Variants in ACOT11 observed in about 807,000 individuals in gnomAD.
ACOT11 encodes the protein acyl-CoA thioesterase 11.
ACOT11 carries 69 observed loss-of-function variants against 77.5 expected under a neutral mutation model. The ratio of observed to expected loss-of-function variants is 0.89; its 90% CI spans 0.73 to 1.09. ACOT11 has a LOEUF of 1.09. Among genes scored for constraint, ACOT11 ranks in the 50% least tolerant of loss-of-function variants. ACOT11 has a pLI of 0.00. For synonymous variants in ACOT11, 279 were observed against 313.0 expected (o/e 0.89, Z 1.15); for missense variants, 766 against 813.7 (o/e 0.94, Z 0.71).
At chr1:54,610,626 C>T (rs1644108064), downstream of ACOT11, 1 of 1,565,454 alleles carries the variant, frequency 6.4e-7, no homozygotes, top group Non-Finnish European at 8.7e-7. Flanking sequence ...TGCTAGGGTC[C>T]CATAGGCCAC....
At chr1:54,608,582 T>A (rs1401387786) in intron 15 of ACOT11, among the ~76,000 whole-genome samples, 1 of 152,076 alleles carries the variant, frequency 6.6e-6, no homozygotes, top group East Asian at 1.9e-4. Flanking sequence ...CTTGAACCCA[T>A]GAGCGCCTCA....
At chr1:54,567,142 T>C (rs1211139477) in intron 1 of ACOT11, among the ~76,000 whole-genome samples, 1 of 152,162 alleles carries the variant, frequency 6.6e-6, no homozygotes, top group East Asian at 1.9e-4. Context: ...TCTTTAAATG[T>C]TTAATAGGAT....
At chr1:54,601,470 C>G (rs1011191691) in intron 9 of ACOT11, 57 bp downstream of exon 9, 4 of 1,583,214 alleles carry the variant, frequency 2.5e-6, no homozygotes, top group Non-Finnish European at 3.4e-6. Context: ...CCTCTCTGCC[C>G]TGGCATGGTG....
chr1:54,590,375 CG>C (rs1654665611), intron 3 of ACOT11, among the ~76,000 whole-genome samples: 1 of 151,940 alleles, frequency 6.6e-6, no homozygotes, highest in African/African-American at 2.4e-5. Context: ...GAAGGGTGTC[CG>C]GGAGCTCCGG....
At chr1:54,591,571 G>A (rs1255553097) in intron 3 of ACOT11, among the ~76,000 whole-genome samples, 1 of 152,226 alleles carries the variant, frequency 6.6e-6, no homozygotes, top group African/African-American at 2.4e-5. Context: ...AGAAGTGAAA[G>A]GACCTGCTGG....
At chr1:54,549,407 G>A (rs1652986071) in intron 1 of ACOT11, among the ~76,000 whole-genome samples, 1 of 152,128 alleles carries the variant, frequency 6.6e-6, no homozygotes, top group Non-Finnish European at 1.5e-5. Flanking sequence ...GCTCTCCGCG[G>A]CTTCGGTGTC....
rs757348374 is a variant in ACOT11, at chr1:54,599,355, C to T, written c.824C>T (p.Pro275Leu). ...ATTGAAATGTTCCACTTCCGAGGCC[C>T]GTCCCAGGTCGGCGACCGTCTGGTG... is the stretch of plus-strand genomic sequence containing the variant. ...KAIEMFHFRG[P>L]SQVGDRLVLK... is the part of the protein sequence containing the mutation. Residue 275 changes from proline (P) to leucine (L), a missense_variant, in exon 8 of 16, where the codon CCG (proline) becomes CTG (leucine). Physicochemically the swap from Pro to Leu is moderately conservative, Grantham distance 98. Coordinates refer to ENST00000343744, the MANE Select transcript of ACOT11 (RefSeq NM_147161.4). 87 of 1,608,958 alleles carry T rather than the reference C, an allele frequency of 5.4e-5. No individual in the cohort carries two copies. In the South Asian group the frequency reaches 7.5e-4, roughly 14 times the overall value.
At chr1:54,562,227 C>G (rs1439323116) in intron 1 of ACOT11, among the ~76,000 whole-genome samples, 1 of 104,888 alleles carries the variant, frequency 9.5e-6, no homozygotes, top group African/African-American at 5.0e-5. Context: ...GGCTGACCCC[C>G]CCACCTCCCT....
At chr1:54,573,065 C>T (rs1234579632) in intron 1 of ACOT11, 35 of 985,354 alleles carry the variant, frequency 3.6e-5, no homozygotes, top group Non-Finnish European at 4.1e-5. Flanking sequence ...ATCACGGCCT[C>T]CTGCAGAGGA....
intron 1 of ACOT11, among the ~76,000 whole-genome samples, chr1:54,562,050 C>T (rs1653521525): frequency 5.0e-5 from 4 of 79,564 alleles, no homozygotes; most frequent in Admixed American, 2.8e-4. Context: ...GCTGACCCCC[C>T]CCACCTCCCT....
chr1:54,609,260 C>G lies in ACOT11; in HGVS notation c.*148C>G. The stretch of plus-strand genomic sequence containing the variant: ...CCTGAGGTCCGCTGGCCCACCACCC[C>G]TGGGTGCTCAGTTTCTACCAACATG... On this transcript the variant is annotated 3_prime_UTR_variant, in exon 16 of 16. Coordinates refer to ENST00000343744, the MANE Select transcript of ACOT11 (RefSeq NM_147161.4). 6.2e-7 allele frequency: 1 copy of G among 1,600,424 alleles called. No homozygotes were observed. The highest frequency in any genetic ancestry group is 8.5e-7 in the Non-Finnish European group (1 of 1,171,230).
chr1:54,596,212 C>T (rs1654892552), intron 6 of ACOT11, among the ~76,000 whole-genome samples: 1 of 152,194 alleles, frequency 6.6e-6, no homozygotes, highest in Non-Finnish European at 1.5e-5. Context: ...CTGTGAATAC[C>T]CTCCCCGTCC....
intron 9 of ACOT11, 62 bp downstream of exon 9, chr1:54,601,475 A>C (rs1240336164): frequency 1.3e-6 from 2 of 1,578,400 alleles, no homozygotes; most frequent in Non-Finnish European, 1.7e-6. Context: ...CTGCCCTGGC[A>C]TGGTGGAGAC....
chr1:54,602,250 G>A (rs1235496758), intron 9 of ACOT11, among the ~76,000 whole-genome samples: 1 of 152,224 alleles, frequency 6.6e-6, no homozygotes, highest in Non-Finnish European at 1.5e-5. Context: ...CTTGTCTCAG[G>A]TTCCTCCTCT....
chr1:54,622,453 C>T (rs374103541), intron 15 of ACOT11, among the ~76,000 whole-genome samples: 3 of 152,070 alleles, frequency 2.0e-5, no homozygotes, highest in Non-Finnish European at 4.4e-5. Context: ...TGGCGCACGC[C>T]TGTAGTCCCA....
intron 16 of ACOT11, chr1:54,634,610 G>A (rs1173102380): frequency 1.4e-6 from 1 of 691,850 alleles, no homozygotes; most frequent in African/African-American, 1.8e-5. Flanking sequence ...ATTATTTGGT[G>A]AAGAGATCCA....
Position 54,594,641 on chromosome 1 carries a change from T to C in ACOT11, c.557T>C (p.Val186Ala). 2 of 1,614,116 alleles carry C rather than the reference T, an allele frequency of 1.2e-6. No homozygotes were observed. Among genetic ancestry groups the C allele is most frequent in the Non-Finnish European group, 1.7e-6 (2 of 1,179,970 alleles). ...GCTGAGCGCCGGCGCATGCGCCTTGTCTATGCAGACACCATCAAGGACCTC... is the reference window on the plus strand; with the variant it reads ...GCTGAGCGCCGGCGCATGCGCCTTGCCTATGCAGACACCATCAAGGACCTC... ...VAAERRRMRL[V>A]YADTIKDLLA... Residue 186 changes from valine (V) to alanine (A), a missense_variant, in exon 6 of 16, where the codon GTC becomes GCC. Transcript: ENST00000343744.
chr1:54,549,910 T>G (rs1653003628), intron 1 of ACOT11, among the ~76,000 whole-genome samples: 1 of 152,240 alleles, frequency 6.6e-6, no homozygotes, highest in Non-Finnish European at 1.5e-5. Context: ...GACTTTTTCC[T>G]TCATCAGTAA....
intron 16 of ACOT11, chr1:54,634,584 C>T: frequency 3.0e-6 from 2 of 669,548 alleles, no homozygotes; most frequent in Non-Finnish European, 5.4e-6. Flanking sequence ...ACAGCCCATA[C>T]ACAATTGAAT....
Sources: allele counts gnomAD v4.1 joint callset (sites outside exome capture counted in the v4.1 genomes callset), GRCh38; gene constraint gnomAD v4.1.1; transcripts MANE v1.5; gene names NCBI Gene and HGNC (gene_info 2026-07-23, HGNC 2026-07-21).